The following OCM2 variants were observed in gnomAD, a reference collection of about 807,000 sequenced individuals.
OCM2 encodes oncomodulin 2.
Under a neutral mutation model 13.6 loss-of-function variants are expected in OCM2, and 6 were observed. The observed-to-expected ratio is 0.44, with a 90% CI of 0.24 to 0.87. The LOEUF (loss-of-function observed/expected upper bound fraction) is 0.87, where lower values mean the gene tolerates loss of function less well. OCM2 is among the 40% of genes least tolerant of loss of function. The pLI is 0.22. For synonymous variants in OCM2, 40 were observed against 50.7 expected (o/e 0.79, Z 0.90); for missense variants, 118 against 136.8 (o/e 0.86, Z 0.68).
chr7:97,986,736 A>C lies in OCM2; in HGVS notation c.304+311T>G, dbSNP rs531197386. ...AATACCTCGCGCTATATGCAGGTGCATTATGGTTGGCAGGTACAAATAATT... is the reference window on the plus strand; with the variant it reads ...AATACCTCGCGCTATATGCAGGTGCCTTATGGTTGGCAGGTACAAATAATT... On this transcript the variant is annotated intron_variant, in intron 3 of 3. Coordinates refer to ENST00000257627, the Ensembl canonical transcript of OCM2. Among the ~76,000 whole-genome samples, 7 of 152,310 alleles carry C rather than the reference A, an allele frequency of 4.6e-5. No individual in the cohort carries two copies. In the East Asian group the frequency reaches 1.4e-3, roughly 29 times the overall value.
At chr7:97,988,933 CTTT>C (rs67400420) in intron 1 of OCM2, among the ~76,000 whole-genome samples, 5 of 134,598 alleles carry the variant, frequency 3.7e-5, no homozygotes, top group Admixed American at 7.6e-5. Flanking sequence ...TTCTTTCTTT[CTTT>C]TTTTTTTTTT....
At position 97,984,986 on chromosome 7, in the gene OCM2, A is replaced by G. The variant is rs1786957570; in HGVS notation, c.305-3T>C. On this transcript the variant is annotated splice_region_variant and splice_polypyrimidine_tract_variant and intron_variant, in intron 3 of 3. Transcript: ENST00000257627. The stretch of plus-strand genomic sequence containing the variant: ...AGAATGCACCATTTCCTGGAATTCT[A>G]GAACAGAAGAGGTGAGAACAGGGTC... 6.2e-7 allele frequency: 1 copy of G among 1,614,002 alleles called. No individual in the cohort carries two copies. The highest frequency in any genetic ancestry group is 1.7e-5 in the Admixed American group (1 of 60,002).
At chr7:97,988,990 G>C (rs1371475697) in intron 1 of OCM2, among the ~76,000 whole-genome samples, 9 of 150,336 alleles carry the variant, frequency 6.0e-5, no homozygotes, top group South Asian at 2.1e-4. Flanking sequence ...GAGTGCAGTG[G>C]CGTGATCTCG....
chr7:97,985,119 G>A (rs1229405208), intron 3 of OCM2, 136 bp from the exon 4 acceptor site: 1 of 659,034 alleles, frequency 1.5e-6, no homozygotes, highest in Non-Finnish European at 2.7e-6. Context: ...CCCTTGGAGG[G>A]CACAAAAGAA....
chr7:97,989,960 C>T, intron 1 of OCM2, 84 bp downstream of exon 1: 2 of 1,436,402 alleles, frequency 1.4e-6, no homozygotes, highest in East Asian at 2.3e-5. Context: ...GTCTGGCCGC[C>T]TGGCCTACAT....
intron 3 of OCM2, among the ~76,000 whole-genome samples, chr7:97,986,073 C>T (rs866772793): frequency 3.3e-5 from 5 of 152,150 alleles, no homozygotes; most frequent in Admixed American, 6.6e-5. Flanking sequence ...CCACCATGCC[C>T]GGCTAATTTT....
At chr7:97,985,324 C>A (rs756784304) in intron 3 of OCM2, among the ~76,000 whole-genome samples, 1 of 149,302 alleles carries the variant, frequency 6.7e-6, no homozygotes, top group East Asian at 2.0e-4. Flanking sequence ...GAGGCTGAGG[C>A]GGGAGAATCA....
chr7:97,990,016 T>TGGGGGC, intron 1 of OCM2, 28 bp downstream of exon 1: 17 of 1,083,824 alleles, frequency 1.6e-5, no homozygotes, highest in Non-Finnish European at 2.2e-5. Flanking sequence ...TGTGAGGAAA[T>TGGGGGC]CCCACCCCCG....
intron 1 of OCM2, among the ~76,000 whole-genome samples, chr7:97,989,080 A>G (rs1794703293): frequency 6.7e-6 from 1 of 150,076 alleles, no homozygotes; most frequent in African/African-American, 2.4e-5. Flanking sequence ...ACAGGCATGC[A>G]CCCCCATGCC....
chr7:97,990,030 C>CCCCACCCCACAAACAAGACA lies in OCM2; in HGVS notation c.61+13_61+14insTGTCTTGTTTGTGGGGTGGG. 6.4e-7 allele frequency: 1 copy of CCCCACCCCACAAACAAGACA among 1,571,176 alleles called. No individual in the cohort carries two copies. Among genetic ancestry groups the CCCCACCCCACAAACAAGACA allele is most frequent in the Non-Finnish European group, 8.8e-7 (1 of 1,141,482 alleles). On this transcript the variant is annotated intron_variant, in intron 1 of 3. Coordinates refer to ENST00000257627, the Ensembl canonical transcript of OCM2. The stretch of plus-strand genomic sequence containing the variant: ...CTGTGAGGAAATCCCACCCCCGCCC[C>CCCCACCCCACAAACAAGACA]ACGTCCCCTCTACCTTGGCATTCCT...
intron 3 of OCM2, among the ~76,000 whole-genome samples, chr7:97,985,531 A>C (rs1253552985): frequency 1.3e-5 from 2 of 152,206 alleles, no homozygotes; most frequent in East Asian, 3.8e-4. Flanking sequence ...ATCTTATTTA[A>C]CAAACATCTT....
chr7:97,989,199 G>A (rs1317368452), intron 1 of OCM2, among the ~76,000 whole-genome samples: 1 of 151,804 alleles, frequency 6.6e-6, no homozygotes, highest in Non-Finnish European at 1.5e-5. Context: ...CCAAAGTGCT[G>A]GGATTACAGG....
chr7:97,987,051 T>C, exon 3 of OCM2: 1 of 1,613,310 alleles, frequency 6.2e-7, no homozygotes, highest in Non-Finnish European at 8.5e-7. Flanking sequence ...ACATACCCTC[T>C]GCTCCAATTT....
chr7:97,987,771 CTCCTGATTTCAAGCAAT>C (rs1794686969), intron 2 of OCM2, among the ~76,000 whole-genome samples: 1 of 152,194 alleles, frequency 6.6e-6, no homozygotes, highest in Non-Finnish European at 1.5e-5. Flanking sequence ...CAACCTCTGC[CTCCTGATTTCAAGCAAT>C]TCTTGTGCTT....
intron 1 of OCM2, among the ~76,000 whole-genome samples, chr7:97,988,867 T>C (rs1473317728): frequency 2.0e-5 from 3 of 151,886 alleles, no homozygotes; most frequent in African/African-American, 7.3e-5. Flanking sequence ...CCTGGTCTAA[T>C]TGGTAGGGGG....
chr7:97,988,642 C>T, intron 1 of OCM2, 94 bp from the exon 2 acceptor site: 3 of 1,510,484 alleles, frequency 2.0e-6, no homozygotes, highest in Non-Finnish European at 2.7e-6. Context: ...AAAAACACTT[C>T]AACAATATCC....
chr7:97,987,282 C>T, intron 2 of OCM2, 126 bp from the exon 3 acceptor site: 1 of 1,046,152 alleles, frequency 9.6e-7, no homozygotes, highest in Non-Finnish European at 1.4e-6. Context: ...AAGGTCTTAG[C>T]AAGCAAAGGT....
At chr7:97,987,370 G>A (rs564741885) in intron 2 of OCM2, among the ~76,000 whole-genome samples, 1 of 152,212 alleles carries the variant, frequency 6.6e-6, no homozygotes, top group East Asian at 1.9e-4. Flanking sequence ...TTTTGAGATA[G>A]GGTCTTGCTC....
At chr7:97,988,355 C>A in intron 2 of OCM2, 61 bp downstream of exon 2, 1 of 1,604,230 alleles carries the variant, frequency 6.2e-7, no homozygotes, top group Non-Finnish European at 8.5e-7. Flanking sequence ...ACCTGGCCCC[C>A]ACTGCACCCC....
Sources: allele counts gnomAD v4.1 joint callset (sites outside exome capture counted in the v4.1 genomes callset), GRCh38; gene constraint gnomAD v4.1.1; transcripts MANE v1.5; gene names NCBI Gene and HGNC (gene_info 2026-07-23, HGNC 2026-07-21).